Variants in ARHGEF28 observed in about 807,000 individuals in gnomAD.
The protein encoded by ARHGEF28 is Rho guanine nucleotide exchange factor 28.
A neutral mutation model predicts 206.6 loss-of-function variants in ARHGEF28; 152 were observed. The ratio of observed to expected loss-of-function variants is 0.74; its 90% CI spans 0.64 to 0.84. ARHGEF28 has a LOEUF of 0.84. ARHGEF28 is among the 40% of genes least tolerant of loss of function. The pLI is 0.00. For missense variants in ARHGEF28, 2,028 were observed against 2,073.2 expected (o/e 0.98, Z 0.42); for synonymous variants, 763 against 776.4 (o/e 0.98, Z 0.29).
intron 10 of ARHGEF28, among the ~76,000 whole-genome samples, chr5:73,837,954 G>A (rs1757761318): frequency 6.6e-6 from 1 of 151,966 alleles, no homozygotes; most frequent in Admixed American, 6.6e-5. Flanking sequence ...TGGCCAGGCT[G>A]GTCTTGAAAT....
chr5:73,631,680 T>G (rs1280326843), intron 1 of ARHGEF28, among the ~76,000 whole-genome samples: 3 of 152,226 alleles, frequency 2.0e-5, no homozygotes, highest in Non-Finnish European at 2.9e-5. Context: ...GTTACTGTTA[T>G]GCTGTTGGTG....
chr5:73,690,606 G>C (rs1485186458), intron 2 of ARHGEF28, among the ~76,000 whole-genome samples: 1 of 151,574 alleles, frequency 6.6e-6, no homozygotes, highest in Admixed American at 6.6e-5. Context: ...GCTGAGGTGG[G>C]AGGATCACTT....
intron 1 of ARHGEF28, among the ~76,000 whole-genome samples, chr5:73,653,279 T>C (rs114365321): frequency 0.012 from 1,903 of 152,328 alleles, 47 homozygotes; most frequent in African/African-American, 0.044. Context: ...TCAGGTTACA[T>C]ATACAAAATT....
chr5:73,888,929 G>T (rs1043572360), intron 26 of ARHGEF28, among the ~76,000 whole-genome samples: 1 of 152,154 alleles, frequency 6.6e-6, no homozygotes, highest in Non-Finnish European at 1.5e-5. Flanking sequence ...TTTCTTAAAT[G>T]TGTTAACCTG....
chr5:73,836,609 T>A (rs535373286), intron 10 of ARHGEF28, among the ~76,000 whole-genome samples: 8 of 152,314 alleles, frequency 5.3e-5, no homozygotes, highest in Admixed American at 3.3e-4. Context: ...TCCAATTCTA[T>A]AAGTTGCTGT....
intron 35 of ARHGEF28, among the ~76,000 whole-genome samples, chr5:73,937,273 C>T (rs570414808): frequency 7.2e-5 from 11 of 152,288 alleles, no homozygotes; most frequent in Middle Eastern, 3.4e-3. Context: ...AGACCCCCCA[C>T]GGTGGTCCTC....
intron 9 of ARHGEF28, among the ~76,000 whole-genome samples, chr5:73,806,324 CTA>C (rs1171814870): frequency 8.1e-6 from 1 of 124,046 alleles, no homozygotes; most frequent in Non-Finnish European, 1.6e-5. Flanking sequence ...TATATATACT[CTA>C]TAGAGTATAT....
chr5:73,912,506 AAG>A (rs1286469190), intron 35 of ARHGEF28, among the ~76,000 whole-genome samples: 1 of 152,230 alleles, frequency 6.6e-6, no homozygotes, highest in African/African-American at 2.4e-5. Flanking sequence ...CTCCCAATTC[AAG>A]AGTAATAATT....
At chr5:73,880,995 GT>G (rs749743122) in intron 22 of ARHGEF28, among the ~76,000 whole-genome samples, 2 of 150,602 alleles carry the variant, frequency 1.3e-5, no homozygotes, top group African/African-American at 4.9e-5. Context: ...TACTTTGAGT[GT>G]TTTTTTGTGC....
chr5:73,749,443 G>A (rs548534953), intron 2 of ARHGEF28, among the ~76,000 whole-genome samples: 51 of 152,178 alleles, frequency 3.4e-4, no homozygotes, highest in Non-Finnish European at 6.8e-4. Flanking sequence ...GAAGTGGGAG[G>A]ATTGCTTGCG....
Position 73,880,207 on chromosome 5 carries a change from C to A in ARHGEF28, c.2815-2265C>A, listed in dbSNP as rs561212038. On this transcript the variant is annotated intron_variant, in intron 22 of 35. Transcript: ENST00000513042. ...TGCTGTGCTAGCAATCAGCGAGACT[C>A]CGTGGGTGTAGGACCCTCCGAGCCA... Among the ~76,000 whole-genome samples, 453 of 152,302 alleles carry A rather than the reference C, an allele frequency of 3.0e-3. 4 individuals carry two copies. The highest frequency in any genetic ancestry group is 7.4e-3 in the African/African-American group (307 of 41,572).
intron 1 of ARHGEF28, among the ~76,000 whole-genome samples, chr5:73,647,898 A>G (rs1033219118): frequency 2.6e-5 from 4 of 152,262 alleles, no homozygotes; most frequent in Non-Finnish European, 4.4e-5. Context: ...TGGATCAAAC[A>G]TCTGAAAGGC....
At chr5:73,676,190 C>G (rs1478479612) in intron 1 of ARHGEF28, among the ~76,000 whole-genome samples, 1 of 150,776 alleles carries the variant, frequency 6.6e-6, no homozygotes, top group Non-Finnish European at 1.5e-5. Context: ...CCTGCCTCAG[C>G]CTCCTGAGTA....
intron 23 of ARHGEF28, among the ~76,000 whole-genome samples, chr5:73,883,112 G>C (rs1423072795): frequency 6.6e-6 from 1 of 152,112 alleles, no homozygotes; most frequent in Non-Finnish European, 1.5e-5. Flanking sequence ...TTCACTTATT[G>C]TATGAGGTGG....
intron 2 of ARHGEF28, among the ~76,000 whole-genome samples, 154 bp from the exon 3 acceptor site, chr5:73,749,680 GTGT>G (rs1159944793): frequency 6.6e-6 from 1 of 152,182 alleles, no homozygotes; most frequent in East Asian, 1.9e-4. Context: ...AATGTCAAAT[GTGT>G]TGTTGTTGGA....
intron 35 of ARHGEF28, among the ~76,000 whole-genome samples, chr5:73,917,814 A>T (rs117524167): frequency 6.6e-6 from 1 of 152,206 alleles, no homozygotes; most frequent in African/African-American, 2.4e-5. Flanking sequence ...AAAATAATAC[A>T]TGCACACATA....
chr5:73,635,829 C>G (rs972057342), intron 1 of ARHGEF28, among the ~76,000 whole-genome samples: 9 of 152,306 alleles, frequency 5.9e-5, no homozygotes, highest in African/African-American at 1.7e-4. Flanking sequence ...GCTGGCCATT[C>G]CTATTCTTGG....
chr5:73,637,548 G>A (rs991493486), intron 1 of ARHGEF28, among the ~76,000 whole-genome samples: 1 of 152,158 alleles, frequency 6.6e-6, no homozygotes, highest in Admixed American at 6.5e-5. Context: ...TTGGTGATTT[G>A]GACAATGGAT....
rs1198295708 is a variant in ARHGEF28 at position 73,832,458 on chromosome 5, A to G, written c.1145A>G (p.Gln382Arg). 8.1e-6 allele frequency: 13 copies of G among 1,611,704 alleles called. No homozygotes were observed. Among genetic ancestry groups the G allele is most frequent in the Non-Finnish European group, 1.1e-5 (13 of 1,179,050 alleles). Residue 382 changes from glutamine to arginine, a missense_variant and splice_region_variant, in exon 10 of 36, where the codon CAG becomes CGG. Transcript: ENST00000513042. Reference protein sequence around the residue: ...EVYANCMVIDQVGDLDISYIN... With the variant: ...EVYANCMVIDRVGDLDISYIN... ...TACGCTAACTGTATGGTGATTGATC[A>G]GGTAAGGCCCAACTGACATTACAGG...
Sources: allele counts gnomAD v4.1 joint callset (sites outside exome capture counted in the v4.1 genomes callset), GRCh38; gene constraint gnomAD v4.1.1; transcripts MANE v1.5; gene names NCBI Gene and HGNC (gene_info 2026-07-23, HGNC 2026-07-21).